The following MEGF10 variants were observed in gnomAD, a reference collection of about 807,000 sequenced individuals.
MEGF10 encodes multiple epidermal growth factor-like domains protein 10.
A neutral mutation model predicts 147.5 loss-of-function variants in MEGF10; 86 were observed. The ratio of observed to expected loss-of-function variants is 0.58; its 90% CI spans 0.49 to 0.70. The LOEUF (loss-of-function observed/expected upper bound fraction) is 0.70. Among genes scored for constraint, MEGF10 ranks in the 30% least tolerant of loss-of-function variants. The probability of loss-of-function intolerance (pLI) is 0.00; values close to 1 mark genes in which losing one functional copy is unlikely to be tolerated. For missense variants in MEGF10, 1,329 were observed against 1,487.3 expected, an observed-to-expected ratio of 0.89 and a Z score of 1.75; for synonymous variants, 478 against 525.5, an observed-to-expected ratio of 0.91 and a Z score of 1.24.
At chr5:127,314,867 T>G (rs1211155537) in intron 1 of MEGF10, among the ~76,000 whole-genome samples, 2 of 152,196 alleles carry the variant, frequency 1.3e-5, no homozygotes, top group African/African-American at 2.4e-5. Context: ...CAAATGACAG[T>G]AATATAGTTT....
chr5:127,323,414 G>A (rs1271170173), intron 1 of MEGF10, among the ~76,000 whole-genome samples: 2 of 152,220 alleles, frequency 1.3e-5, no homozygotes, highest in Admixed American at 6.5e-5. Context: ...TACAGGCATT[G>A]TGAGGTTATG....
At chr5:127,402,705 TCTGA>T in intron 8 of MEGF10, 23 bp downstream of exon 8, 1 of 1,612,752 alleles carries the variant, frequency 6.2e-7, no homozygotes, top group Non-Finnish European at 8.5e-7. Context: ...CTTGTATTTC[TCTGA>T]CTGTTTATAA....
chr5:127,374,051 A>G (rs1421339013), intron 5 of MEGF10, among the ~76,000 whole-genome samples: 1 of 152,224 alleles, frequency 6.6e-6, no homozygotes, highest in East Asian at 1.9e-4. Context: ...GGGTGCAGCT[A>G]GCCACAGTGT....
chr5:127,235,058 C>T, the MEGF10 span, among the ~76,000 whole-genome samples: 1 of 152,124 alleles, frequency 6.6e-6, no homozygotes, highest in African/African-American at 2.4e-5. Context: ...GTTGGCCAGA[C>T]TGGTTGCGAA....
chr5:127,260,543 C>T, the MEGF10 span, among the ~76,000 whole-genome samples: 1 of 152,128 alleles, frequency 6.6e-6, no homozygotes, highest in Admixed American at 6.5e-5. Flanking sequence ...TACTCTTAGA[C>T]CAAAATCAGG....
chr5:127,383,105 A>T (rs1763315212), intron 5 of MEGF10, among the ~76,000 whole-genome samples: 3 of 152,182 alleles, frequency 2.0e-5, no homozygotes, highest in African/African-American at 4.8e-5. Flanking sequence ...CTTCTTTATA[A>T]TTTGTTTATA....
At chr5:127,373,105 A>G (rs917645985) in intron 5 of MEGF10, among the ~76,000 whole-genome samples, 38 of 152,196 alleles carry the variant, frequency 2.5e-4, no homozygotes, top group African/African-American at 8.0e-4. Context: ...ACAGTATTAC[A>G]TAATTTATTT....
At position 127,457,482 on chromosome 5, in the gene MEGF10, G is replaced by A. The variant is rs187806833; in HGVS notation, c.*164G>A. Reference sequence around the variant, plus strand: ...AAGCTGAGGCTGACACGGACTGTAGGTGCTTTTTGTTCAGGTGGATTCGAA... The same window carrying A: ...AAGCTGAGGCTGACACGGACTGTAGATGCTTTTTGTTCAGGTGGATTCGAA... On this transcript the variant is annotated 3_prime_UTR_variant, in exon 25 of 25. Transcript: ENST00000503335. 803 of 701,500 alleles carry A rather than the reference G, an allele frequency of 1.1e-3. 10 individuals are homozygous for A. The highest frequency in any genetic ancestry group is 4.4e-3 in the South Asian group (219 of 49,796). The allele number at this position is 701,500 out of a possible 1,614,324, so 43.5% of individuals were successfully genotyped here.
chr5:127,434,146 A>G (rs1029770832), intron 14 of MEGF10, among the ~76,000 whole-genome samples: 1 of 152,186 alleles, frequency 6.6e-6, no homozygotes, highest in Non-Finnish European at 1.5e-5. Flanking sequence ...ATATATTTAA[A>G]TCTGAATAGT....
At chr5:127,303,688 C>T (rs984645431) in intron 1 of MEGF10, among the ~76,000 whole-genome samples, 1 of 152,168 alleles carries the variant, frequency 6.6e-6, no homozygotes, top group Non-Finnish European at 1.5e-5. Flanking sequence ...CAAGCATTGA[C>T]TTCTATGTCC....
At chr5:127,327,714 C>CTTTT (rs11285616) in intron 1 of MEGF10, among the ~76,000 whole-genome samples, 3 of 122,876 alleles carry the variant, frequency 2.4e-5, no homozygotes, top group Non-Finnish European at 3.4e-5. Flanking sequence ...CTTTTCTTTT[C>CTTTT]TTTTTTTTTT....
chr5:127,265,346 T>C, the MEGF10 span, among the ~76,000 whole-genome samples: 1 of 152,230 alleles, frequency 6.6e-6, no homozygotes, highest in Non-Finnish European at 1.5e-5. Context: ...TGGTTCCAAG[T>C]CTTTGCTATT....
chr5:127,237,732 T>C, the MEGF10 span, among the ~76,000 whole-genome samples: 1 of 151,990 alleles, frequency 6.6e-6, no homozygotes, highest in Non-Finnish European at 1.5e-5. Flanking sequence ...TAATTTTAAG[T>C]CCTGGGCAGG....
chr5:127,444,130 G>T (rs910687817), intron 19 of MEGF10, among the ~76,000 whole-genome samples: 2 of 152,166 alleles, frequency 1.3e-5, no homozygotes, highest in Non-Finnish European at 2.9e-5. Flanking sequence ...TGCTTCTGAT[G>T]GTTCTGAAGC....
chr5:127,398,320 CAT>C (rs1367810017), intron 6 of MEGF10, among the ~76,000 whole-genome samples: 2 of 151,848 alleles, frequency 1.3e-5, no homozygotes, highest in African/African-American at 4.8e-5. Context: ...ACAGAACAAA[CAT>C]ATAAACAAAA....
intron 17 of MEGF10, 76 bp from the exon 18 acceptor site, chr5:127,440,663 T>C (rs553491506): frequency 1.3e-6 from 2 of 1,494,316 alleles, no homozygotes; most frequent in East Asian, 2.3e-5. Context: ...TAAACACAAA[T>C]ATGTTGGAGG....
At chr5:127,348,175 C>T (rs1467905128) in intron 4 of MEGF10, among the ~76,000 whole-genome samples, 1 of 152,048 alleles carries the variant, frequency 6.6e-6, no homozygotes, top group African/African-American at 2.4e-5. Flanking sequence ...ACTTGCTAAA[C>T]TATGCACCAT....
chr5:127,380,276 G>A (rs1382042381), intron 5 of MEGF10, among the ~76,000 whole-genome samples: 3 of 152,118 alleles, frequency 2.0e-5, no homozygotes, highest in Admixed American at 2.0e-4. Flanking sequence ...TGAGACATGA[G>A]AGATGAGTAA....
intron 1 of MEGF10, among the ~76,000 whole-genome samples, chr5:127,292,060 A>G (rs1759282100): frequency 6.6e-6 from 1 of 152,176 alleles, no homozygotes. Flanking sequence ...CCAAATAAAA[A>G]TGCTTCATTC....
Sources: gnomAD v4.1 joint callset for allele counts (sites outside exome capture counted in the v4.1 genomes callset) on GRCh38, gnomAD v4.1.1 for gene constraint, MANE v1.5 for transcripts, NCBI Gene and HGNC (gene_info 2026-07-23, HGNC 2026-07-21) for gene names.